Variants in EYS observed in about 807,000 individuals in gnomAD.
The protein encoded by EYS is EGF-like photoreceptor maintenance factor.
EYS carries 250 observed loss-of-function variants against 282.1 expected under a neutral mutation model. That is an observed-to-expected ratio of 0.89 (90% CI 0.80 to 0.98). The LOEUF is 0.98. Among genes scored for constraint, EYS ranks in the 50% least tolerant of loss-of-function variants. The pLI is 0.00. For synonymous variants in EYS, 1,355 were observed against 1,282.9 expected (o/e 1.06, Z -1.20); for missense variants, 4,016 against 3,709.0 (o/e 1.08, Z -2.15).
At chr6:64,199,993 G>T (rs1765412730) in intron 31 of EYS, among the ~76,000 whole-genome samples, 1 of 152,000 alleles carries the variant, frequency 6.6e-6, no homozygotes, top group African/African-American at 2.4e-5. Context: ...AAACTATTTA[G>T]GGAAAAAATA....
intron 29 of EYS, among the ~76,000 whole-genome samples, chr6:64,343,871 G>C (rs1158039498): frequency 2.6e-5 from 4 of 151,862 alleles, no homozygotes; most frequent in Non-Finnish European, 2.9e-5. Flanking sequence ...ATGATAAAGG[G>C]GATATCACCA....
intron 28 of EYS, among the ~76,000 whole-genome samples, chr6:64,392,356 A>C (rs1773183883): frequency 1.3e-5 from 2 of 150,142 alleles, no homozygotes; most frequent in African/African-American, 5.0e-5. Context: ...ACCTATTCCA[A>C]AATTGACCAC....
At position 64,230,937 on chromosome 6, in the gene EYS, C is replaced by A. The variant is rs1011916173; in HGVS notation, c.6192-113G>T. The A allele has an allele frequency of 8.8e-6, 5 of 565,730 alleles. No individual in the cohort carries two copies. In the African/African-American group the frequency reaches 9.4e-5, roughly 11 times the overall value. 35.0% of individuals were successfully genotyped at this position (565,730 alleles called of 1,614,324 possible). A position where few individuals can be genotyped will look rare whatever the true frequency, so the allele number is the denominator to read the frequency against. On this transcript the variant is annotated intron_variant, in intron 30 of 42. Transcript: ENST00000503581. ...AAGAGAAAATGAAACCAATACTGATCAAGGTTTAACTGAGGACAAATAAAA... is the reference window on the plus strand; with the variant it reads ...AAGAGAAAATGAAACCAATACTGATAAAGGTTTAACTGAGGACAAATAAAA...
intron 2 of EYS, among the ~76,000 whole-genome samples, chr6:65,605,804 ATGTG>A (rs1182038672): frequency 6.6e-6 from 1 of 151,760 alleles, no homozygotes; most frequent in African/African-American, 2.4e-5. Flanking sequence ...TTGAATAAAT[ATGTG>A]TGTGTATGTG....
intron 22 of EYS, among the ~76,000 whole-genome samples, chr6:64,751,625 A>G (rs979905100): frequency 6.6e-6 from 1 of 152,234 alleles, no homozygotes; most frequent in African/African-American, 2.4e-5. Context: ...CTCATGGTTA[A>G]CAAAGATCAT....
chr6:64,199,231 C>T (rs936738378), intron 31 of EYS, among the ~76,000 whole-genome samples: 1 of 152,110 alleles, frequency 6.6e-6, no homozygotes, highest in Non-Finnish European at 1.5e-5. Flanking sequence ...GGTACCAAAA[C>T]AGATATATAG....
At position 64,011,791 on chromosome 6, in the gene EYS, T is replaced by A. The variant is rs117177998; in HGVS notation, c.6726-12608A>T. 1.6e-3 allele frequency among the ~76,000 whole-genome samples: 251 copies of A among 152,266 alleles called. 2 individuals carry two copies. The East Asian group carries it at 0.036, about 22-fold the overall frequency. The stretch of plus-strand genomic sequence containing the variant: ...CATGTATAATTGCAGCATGAAGCCA[T>A]GATGTAACAGTAAGAAAACTGAACA... On this transcript the variant is annotated intron_variant, in intron 33 of 42. Coordinates refer to ENST00000503581, the MANE Select transcript of EYS (RefSeq NM_001142800.2).
chr6:65,113,420 T>A (rs1298722054), intron 12 of EYS, among the ~76,000 whole-genome samples: 1 of 151,980 alleles, frequency 6.6e-6, no homozygotes, highest in Non-Finnish European at 1.5e-5. Flanking sequence ...GGTTTATTCC[T>A]GAGAAAATAC....
chr6:64,789,977 G>T (rs1197160190), intron 22 of EYS, among the ~76,000 whole-genome samples: 6 of 151,660 alleles, frequency 4.0e-5, no homozygotes, highest in African/African-American at 1.5e-4. Flanking sequence ...TATATCATTA[G>T]ATTTGTTCTT....
chr6:65,316,965 C>G (rs1163250075), intron 11 of EYS, among the ~76,000 whole-genome samples: 1 of 152,012 alleles, frequency 6.6e-6, no homozygotes. Context: ...TTGAATTGAA[C>G]CAGCATCATT....
At chr6:64,333,726 A>G (rs2150392055) in intron 29 of EYS, among the ~76,000 whole-genome samples, 1 of 152,300 alleles carries the variant, frequency 6.6e-6, no homozygotes, top group Non-Finnish European at 1.5e-5. Flanking sequence ...AGTTACCCCA[A>G]TGCAACAGTT....
intron 29 of EYS, among the ~76,000 whole-genome samples, chr6:64,313,227 A>G (rs115616198): frequency 0.039 from 5,986 of 152,154 alleles, 380 homozygotes; most frequent in African/African-American, 0.14. Context: ...AGAAAACTTC[A>G]TGAAGCATAC....
intron 5 of EYS, among the ~76,000 whole-genome samples, chr6:65,487,548 T>A (rs765556392): frequency 3.3e-5 from 5 of 152,192 alleles, no homozygotes; most frequent in Admixed American, 6.5e-5. Context: ...TAGACAAGCT[T>A]TCTGATGTGC....
intron 37 of EYS, among the ~76,000 whole-genome samples, chr6:63,804,374 T>C (rs566911802): frequency 6.6e-6 from 1 of 152,224 alleles, no homozygotes; most frequent in Non-Finnish European, 1.5e-5. Context: ...CTCACAACGC[T>C]GTAAGGAAAT....
At chr6:64,694,471 C>T (rs568604960) in intron 22 of EYS, among the ~76,000 whole-genome samples, 7 of 152,264 alleles carry the variant, frequency 4.6e-5, no homozygotes, top group South Asian at 2.1e-4. Context: ...GCTAAGCCCT[C>T]GGTCTGACCT....
intron 35 of EYS, among the ~76,000 whole-genome samples, chr6:63,914,218 GT>G (rs912995728): frequency 6.6e-6 from 1 of 152,140 alleles, no homozygotes; most frequent in Admixed American, 6.6e-5. Flanking sequence ...AAGTGTTTAA[GT>G]AAAAGAAAGA....
intron 12 of EYS, among the ~76,000 whole-genome samples, chr6:65,080,692 G>A (rs1306378273): frequency 1.3e-5 from 2 of 151,964 alleles, no homozygotes. Flanking sequence ...CAAAATGAGT[G>A]TGGTTTCTTT....
At chr6:64,905,144 T>A (rs537911684) in intron 16 of EYS, among the ~76,000 whole-genome samples, 1 of 152,362 alleles carries the variant, frequency 6.6e-6, no homozygotes, top group Admixed American at 6.5e-5. Flanking sequence ...AGGTTTGTGT[T>A]AGGGCACTCT....
At position 64,386,120 on chromosome 6, in the gene EYS, C is replaced by T. The variant is rs558265113; in HGVS notation, c.6078+2570G>A. Among the ~76,000 whole-genome samples, 3 of 152,246 alleles carry T rather than the reference C, an allele frequency of 2.0e-5. No homozygotes were observed. The South Asian group carries it at 6.2e-4, about 32-fold the overall frequency. On this transcript the variant is annotated intron_variant, in intron 29 of 42. Coordinates refer to ENST00000503581, the MANE Select transcript of EYS (RefSeq NM_001142800.2). Reference sequence around the variant, plus strand: ...AGGCCCGTATTTCAAATGACTTGTGCCTCACAACATTCCACTAATAGGAAT... The same window carrying T: ...AGGCCCGTATTTCAAATGACTTGTGTCTCACAACATTCCACTAATAGGAAT...
Sources: gnomAD v4.1 joint callset for allele counts (sites outside exome capture counted in the v4.1 genomes callset) on GRCh38, gnomAD v4.1.1 for gene constraint, MANE v1.5 for transcripts, NCBI Gene and HGNC (gene_info 2026-07-23, HGNC 2026-07-21) for gene names.